The following ARNT2 variants were observed in gnomAD, a reference collection of about 807,000 sequenced individuals.
ARNT2 encodes ARNT protein 2.
In ARNT2, 36 loss-of-function variants were observed where a neutral mutation model predicts 91.7. The observed-to-expected ratio is 0.39, with a 90% confidence interval of 0.30 to 0.52. ARNT2 has a LOEUF of 0.52. ARNT2 is among the 20% of genes least tolerant of loss of function. ARNT2 has a pLI of 0.72. For missense variants in ARNT2, 775 were observed against 939.3 expected (o/e 0.83, Z 2.29); for synonymous variants, 365 against 347.1 (o/e 1.05, Z -0.57).
intron 5 of ARNT2, among the ~76,000 whole-genome samples, chr15:80,506,878 A>T (rs1156845967): frequency 6.6e-6 from 1 of 152,170 alleles, no homozygotes; most frequent in Non-Finnish European, 1.5e-5. Flanking sequence ...CAAGGCAAGA[A>T]TGTTCCAAGG....
At chr15:80,498,864 C>T (rs1227134994) in intron 5 of ARNT2, among the ~76,000 whole-genome samples, 1 of 152,184 alleles carries the variant, frequency 6.6e-6, no homozygotes, top group Non-Finnish European at 1.5e-5. Flanking sequence ...TCGGTGGGTG[C>T]CGTCTTATTT....
intron 8 of ARNT2, 31 bp from the exon 9 acceptor site, chr15:80,551,168 T>G: frequency 1.9e-6 from 3 of 1,594,706 alleles, no homozygotes; most frequent in Non-Finnish European, 2.6e-6. Context: ...CTTGGGCATA[T>G]TGTTGATGAC....
intron 5 of ARNT2, among the ~76,000 whole-genome samples, chr15:80,489,172 T>G (rs1461939276): frequency 6.6e-6 from 1 of 152,222 alleles, no homozygotes; most frequent in Non-Finnish European, 1.5e-5. Flanking sequence ...TCCAGTGTGA[T>G]AAAGAAAATA....
At chr15:80,514,274 C>T (rs1897393555) in intron 7 of ARNT2, 46 bp from the exon 8 acceptor site, 1 of 1,595,570 alleles carries the variant, frequency 6.3e-7, no homozygotes, top group Non-Finnish European at 8.6e-7. Flanking sequence ...ACATCCTTGC[C>T]TCACCCTCAT....
intron 14 of ARNT2, among the ~76,000 whole-genome samples, chr15:80,575,954 A>G (rs971953187): frequency 1.3e-5 from 2 of 152,188 alleles, no homozygotes; most frequent in Non-Finnish European, 2.9e-5. Context: ...ACGATAGCAA[A>G]CTTTTAGTTT....
intron 8 of ARNT2, among the ~76,000 whole-genome samples, chr15:80,516,246 AC>A (rs1897432958): frequency 6.6e-6 from 1 of 152,092 alleles, no homozygotes; most frequent in Admixed American, 6.5e-5. Flanking sequence ...GTTTTTATTG[AC>A]TTTTTTGCCT....
intron 17 of ARNT2, among the ~76,000 whole-genome samples, chr15:80,590,492 C>A (rs951185712): frequency 6.6e-6 from 1 of 152,194 alleles, no homozygotes; most frequent in African/African-American, 2.4e-5. Flanking sequence ...CATCCCAGCA[C>A]TTTGGGAGGC....
chr15:80,455,204 C>T (rs1439881625), intron 2 of ARNT2, among the ~76,000 whole-genome samples: 1 of 152,140 alleles, frequency 6.6e-6, no homozygotes, highest in African/African-American at 2.4e-5. Flanking sequence ...TTGTGTCCTC[C>T]AGGGTTGCAT....
At chr15:80,505,947 T>TTTTTTTTTTTTA (rs1897269038) in intron 5 of ARNT2, among the ~76,000 whole-genome samples, 4 of 121,160 alleles carry the variant, frequency 3.3e-5, no homozygotes, top group Non-Finnish European at 5.3e-5. Flanking sequence ...TTTTTTTTTT[T>TTTTTTTTTTTTA]GAGACGGAGT....
At chr15:80,488,118 G>C (rs1440177606) in intron 5 of ARNT2, among the ~76,000 whole-genome samples, 1 of 152,178 alleles carries the variant, frequency 6.6e-6, no homozygotes, top group Non-Finnish European at 1.5e-5. Flanking sequence ...TGGGCTGTTG[G>C]GAATCAGGAA....
chr15:80,563,633 T>C (rs1349039982), intron 12 of ARNT2, among the ~76,000 whole-genome samples: 1 of 151,996 alleles, frequency 6.6e-6, no homozygotes, highest in Non-Finnish European at 1.5e-5. Flanking sequence ...AAGCCGGGGG[T>C]GGAGGAAGGG....
rs77776160 is a variant in ARNT2 at position 80,533,650 on chromosome 15, A to G, written c.878-17549A>G. Among the ~76,000 whole-genome samples, 283 of 152,322 alleles carry G rather than the reference A, an allele frequency of 1.9e-3. 5 individuals are homozygous for G. In the East Asian group the frequency reaches 0.027, roughly 15 times the overall value. On this transcript the variant is annotated intron_variant, in intron 8 of 18. Transcript: ENST00000303329. ...GTTTCTGTGAATTTTTTACAACTGA[A>G]AGTTGAAAATAACAATGAAATTCCA...
chr15:80,485,714 T>C (rs1427387216), intron 5 of ARNT2, among the ~76,000 whole-genome samples: 1 of 152,104 alleles, frequency 6.6e-6, no homozygotes, highest in African/African-American at 2.4e-5. Flanking sequence ...CCAAGACCAA[T>C]TGCAGGCCAC....
At chr15:80,500,834 T>A (rs186678562) in intron 5 of ARNT2, among the ~76,000 whole-genome samples, 1 of 152,254 alleles carries the variant, frequency 6.6e-6, no homozygotes, top group East Asian at 1.9e-4. Context: ...AATGAGTGGG[T>A]GTGGCTGTTT....
intron 1 of ARNT2, among the ~76,000 whole-genome samples, chr15:80,410,937 A>G (rs1895673411): frequency 6.6e-6 from 1 of 152,102 alleles, no homozygotes; most frequent in Admixed American, 6.5e-5. Context: ...TGTTCAATGA[A>G]GAAAAGTTAT....
At chr15:80,474,749 AG>A (rs200933392) in intron 4 of ARNT2, among the ~76,000 whole-genome samples, 1,585 of 152,226 alleles carry the variant, frequency 0.01, 9 homozygotes, top group Middle Eastern at 0.017. Context: ...CCATCCCCCT[AG>A]GCTGGAAATT....
chr15:80,422,148 G>A (rs370750226), intron 1 of ARNT2, among the ~76,000 whole-genome samples: 1 of 152,162 alleles, frequency 6.6e-6, no homozygotes, highest in African/African-American at 2.4e-5. Flanking sequence ...GGGAAGTTAG[G>A]TGTATTAAGA....
At chr15:80,582,491 G>T (rs1898817955) in intron 17 of ARNT2, among the ~76,000 whole-genome samples, 1 of 151,724 alleles carries the variant, frequency 6.6e-6, no homozygotes, top group African/African-American at 2.4e-5. Context: ...GTGAGACCCT[G>T]TCTGAAAAAA....
chr15:80,436,915 A>C (rs1896096416), intron 1 of ARNT2, among the ~76,000 whole-genome samples: 1 of 152,150 alleles, frequency 6.6e-6, no homozygotes, highest in African/African-American at 2.4e-5. Flanking sequence ...AGAATCCACG[A>C]ACTTATTGCC....
Sources: allele counts gnomAD v4.1 joint callset (sites outside exome capture counted in the v4.1 genomes callset), GRCh38; gene constraint gnomAD v4.1.1; transcripts MANE v1.5; gene names NCBI Gene and HGNC (gene_info 2026-07-23, HGNC 2026-07-21).